Variants in MCU observed in about 807,000 individuals in gnomAD.
MCU encodes mitochondrial calcium uniporter.
MCU carries 12 observed loss-of-function variants against 45.2 expected under a neutral mutation model. The observed-to-expected ratio is 0.27, with a 90% CI of 0.17 to 0.43. The LOEUF is 0.43. Ranked by LOEUF, MCU falls within the 20% of genes least tolerant of loss-of-function variation. The pLI is 1.00. For missense variants in MCU, 324 were observed against 436.7 expected (o/e 0.74, Z 2.30); for synonymous variants, 160 against 165.1 (o/e 0.97, Z 0.24).
chr10:72,723,067 G>T (rs976895842), intron 1 of MCU, among the ~76,000 whole-genome samples: 2 of 151,922 alleles, frequency 1.3e-5, no homozygotes, highest in Admixed American at 6.6e-5. Context: ...GTGGTGGCAG[G>T]TGCCTGTAGT....
At chr10:72,728,119 T>A (rs1414343566) in intron 1 of MCU, among the ~76,000 whole-genome samples, 2 of 152,206 alleles carry the variant, frequency 1.3e-5, no homozygotes, top group African/African-American at 4.8e-5. Context: ...CTGCTATTTC[T>A]GCTTCTGAAA....
intron 1 of MCU, among the ~76,000 whole-genome samples, chr10:72,820,403 A>G (rs923498866): frequency 4.6e-5 from 7 of 152,076 alleles, no homozygotes; most frequent in African/African-American, 1.7e-4. Context: ...TCATGCTCAT[A>G]GTTGCTGTAG....
intron 4 of MCU, among the ~76,000 whole-genome samples, chr10:72,867,865 A>T: frequency 6.6e-6 from 1 of 151,836 alleles, no homozygotes; most frequent in South Asian, 2.1e-4. Flanking sequence ...AAAAAAAAAA[A>T]AAAAAAAAGA....
At chr10:72,752,134 C>T (rs966391602) in intron 1 of MCU, among the ~76,000 whole-genome samples, 24 of 152,122 alleles carry the variant, frequency 1.6e-4, no homozygotes, top group Non-Finnish European at 2.5e-4. Context: ...CCACCATGCC[C>T]GGCCGCACAT....
chr10:72,854,109 G>A (rs1845251199), intron 2 of MCU, among the ~76,000 whole-genome samples: 2 of 151,816 alleles, frequency 1.3e-5, no homozygotes, highest in African/African-American at 4.8e-5. Flanking sequence ...CAGCCTGGGT[G>A]ACAGAGCAAG....
At chr10:72,712,048 CA>C (rs200590499) in intron 1 of MCU, among the ~76,000 whole-genome samples, 3 of 150,166 alleles carry the variant, frequency 2.0e-5, no homozygotes, top group South Asian at 2.1e-4. Context: ...ACCCAAAAAA[CA>C]AAAAAAAACT....
intron 1 of MCU, among the ~76,000 whole-genome samples, chr10:72,720,383 C>G (rs916812311): frequency 1.3e-5 from 2 of 152,148 alleles, no homozygotes; most frequent in Non-Finnish European, 2.9e-5. Context: ...TGCATACTTC[C>G]CAGTTGTAAC....
intron 1 of MCU, among the ~76,000 whole-genome samples, chr10:72,768,009 A>G (rs904652680): frequency 6.6e-6 from 1 of 152,146 alleles, no homozygotes; most frequent in African/African-American, 2.4e-5. Context: ...AAATGTCAAG[A>G]TTCTTAAAAT....
chr10:72,827,005 T>G (rs754665641), intron 1 of MCU, among the ~76,000 whole-genome samples: 1 of 152,194 alleles, frequency 6.6e-6, no homozygotes, highest in Non-Finnish European at 1.5e-5. Flanking sequence ...AATTTATAAA[T>G]TAAACTTTAT....
intron 1 of MCU, among the ~76,000 whole-genome samples, chr10:72,807,062 T>C (rs1844463591): frequency 6.6e-6 from 1 of 152,234 alleles, no homozygotes; most frequent in African/African-American, 2.4e-5. Context: ...TTTGCTTTGG[T>C]AGTGAACGTG....
chr10:72,746,648 T>A (rs781471471), intron 1 of MCU, among the ~76,000 whole-genome samples: 3 of 152,240 alleles, frequency 2.0e-5, no homozygotes, highest in Non-Finnish European at 2.9e-5. Context: ...CTAGCCCTTA[T>A]GTGTTTGGGG....
intron 1 of MCU, chr10:72,692,566 G>C (rs1589419153): frequency 9.1e-7 from 1 of 1,093,058 alleles, no homozygotes; most frequent in African/African-American, 1.7e-5. Flanking sequence ...GGGCGGGGAA[G>C]GCACGGGACT....
intron 1 of MCU, among the ~76,000 whole-genome samples, chr10:72,770,870 A>G (rs1289754058): frequency 2.0e-5 from 3 of 152,120 alleles, no homozygotes; most frequent in Admixed American, 1.3e-4. Context: ...ACTGTCTTTT[A>G]TAACTATAAT....
intron 1 of MCU, among the ~76,000 whole-genome samples, chr10:72,749,988 T>C (rs1403058453): frequency 1.3e-5 from 2 of 151,638 alleles, no homozygotes; most frequent in African/African-American, 4.8e-5. Flanking sequence ...CCATGTTGAC[T>C]GGGCTGGTCT....
intron 2 of MCU, among the ~76,000 whole-genome samples, chr10:72,853,667 G>A (rs1845243249): frequency 1.3e-5 from 2 of 152,106 alleles, no homozygotes; most frequent in South Asian, 4.1e-4. Context: ...ATAAAGAAAA[G>A]CAAAGCACAT....
intron 1 of MCU, among the ~76,000 whole-genome samples, chr10:72,723,581 C>T (rs988824689): frequency 1.5e-4 from 23 of 152,170 alleles, no homozygotes; most frequent in African/African-American, 5.1e-4. Flanking sequence ...AACTTACCAT[C>T]GAAGATGACT....
intron 1 of MCU, among the ~76,000 whole-genome samples, chr10:72,698,510 A>G (rs1002314548): frequency 2.0e-5 from 3 of 152,206 alleles, no homozygotes; most frequent in Non-Finnish European, 4.4e-5. Flanking sequence ...TAGAGGATTC[A>G]AAGGCTGATA....
intron 2 of MCU, among the ~76,000 whole-genome samples, chr10:72,838,544 C>A (rs951266429): frequency 2.0e-5 from 3 of 151,920 alleles, no homozygotes; most frequent in African/African-American, 7.3e-5. Flanking sequence ...CCAAGGAGGT[C>A]AAGGCTGCAA....
intron 2 of MCU, among the ~76,000 whole-genome samples, chr10:72,840,258 T>C (rs1845028490): frequency 6.6e-6 from 1 of 152,226 alleles, no homozygotes; most frequent in Non-Finnish European, 1.5e-5. Flanking sequence ...TTCATTGTGG[T>C]TTTAATTTGG....
Sources: allele counts gnomAD v4.1 joint callset (sites outside exome capture counted in the v4.1 genomes callset), GRCh38; gene constraint gnomAD v4.1.1; transcripts MANE v1.5; gene names NCBI Gene and HGNC (gene_info 2026-07-23, HGNC 2026-07-21).